SPPL2A: variants seen among roughly 807,000 people sequenced by gnomAD.
The protein encoded by SPPL2A is signal peptide peptidase like 2A.
SPPL2A carries 51 observed loss-of-function variants against 63.8 expected under a neutral mutation model. The ratio of observed to expected loss-of-function variants is 0.80; its 90% confidence interval spans 0.64 to 1.01. The LOEUF (loss-of-function observed/expected upper bound fraction) is 1.01. Among genes scored for constraint, SPPL2A ranks in the 50% least tolerant of loss-of-function variants. SPPL2A has a pLI of 0.00. For synonymous variants in SPPL2A, 188 were observed against 205.8 expected (o/e 0.91, Z 0.74); for missense variants, 553 against 622.7 (o/e 0.89, Z 1.19).
At chr15:50,736,015 A>G (rs2062768416) in intron 8 of SPPL2A, 86 bp downstream of exon 8, 5 of 859,930 alleles carry the variant, frequency 5.8e-6, no homozygotes, top group Non-Finnish European at 9.3e-6. Flanking sequence ...AAGCAAAAAA[A>G]TTCCATAATA....
chr15:50,712,467 C>A (rs1182360493), intron 14 of SPPL2A, among the ~76,000 whole-genome samples: 1 of 151,892 alleles, frequency 6.6e-6, no homozygotes, highest in Non-Finnish European at 1.5e-5. Flanking sequence ...CCAGAGCTGA[C>A]CCTCAGGCCC....
intron 14 of SPPL2A, among the ~76,000 whole-genome samples, chr15:50,713,957 T>C (rs1363242927): frequency 6.6e-6 from 1 of 152,222 alleles, no homozygotes; most frequent in Non-Finnish European, 1.5e-5. Flanking sequence ...TATCCCATTT[T>C]ACTATGTAGA....
chr15:50,710,444 T>C (rs1464278912), intron 14 of SPPL2A, among the ~76,000 whole-genome samples: 1 of 152,210 alleles, frequency 6.6e-6, no homozygotes, highest in Non-Finnish European at 1.5e-5. Context: ...TATTTACTTT[T>C]CTTTACTGAC....
intron 11 of SPPL2A, chr15:50,726,109 C>T: frequency 6.6e-7 from 1 of 1,510,226 alleles, no homozygotes; most frequent in Non-Finnish European, 8.9e-7. Flanking sequence ...CAGTGGCTTC[C>T]ACCAAGTTTC....
rs2062516755 is a variant in SPPL2A, at chr15:50,707,285, A to C, written c.*515T>G. On this transcript the variant is annotated 3_prime_UTR_variant, in exon 15 of 15. Coordinates refer to ENST00000261854, the MANE Select transcript of SPPL2A (RefSeq NM_032802.4). ...AGGCACCCTCCACCACGCCCAGCTA[A>C]TTTTTGGTATTTTTAGTAGAGAGGG... The C allele has an allele frequency of 6.6e-6, 1 of 152,220 alleles. No individual in the cohort carries two copies. The highest frequency in any genetic ancestry group is 1.5e-5 in the Non-Finnish European group (1 of 68,164). 9.4% of individuals were successfully genotyped at this position (152,220 alleles called of 1,614,324 possible). A position where few individuals can be genotyped will look rare whatever the true frequency, so the allele number is the denominator to read the frequency against.
intron 1 of SPPL2A, among the ~76,000 whole-genome samples, chr15:50,762,784 G>T (rs1390657969): frequency 6.7e-6 from 1 of 149,746 alleles, no homozygotes; most frequent in Non-Finnish European, 1.5e-5. Flanking sequence ...ACAGGCTGGA[G>T]TGCAGTGGCA....
Position 50,726,327 on chromosome 15 carries a change from A to G in SPPL2A, c.1140T>C (p.Asn380=). ...VELAAGPFGN[N]EKLPVVIRVP... ...ATTTCATTGCCATCCCTACCTTTTCATTATTTCCAAAAGGTCCAGCTGCGA... is the reference window on the plus strand; with the variant it reads ...ATTTCATTGCCATCCCTACCTTTTCGTTATTTCCAAAAGGTCCAGCTGCGA... The change falls in exon 11 of 15, where the codon AAT becomes AAC. Residue 380 remains asparagine, a synonymous_variant. Transcript: ENST00000261854. The G allele has an allele frequency of 6.2e-7, 1 of 1,613,660 alleles. No homozygotes were observed. Among genetic ancestry groups the G allele is most frequent in the Non-Finnish European group, 8.5e-7 (1 of 1,179,584 alleles).
chr15:50,718,412 A>G (rs1428535121), intron 14 of SPPL2A, among the ~76,000 whole-genome samples: 1 of 152,190 alleles, frequency 6.6e-6, no homozygotes, highest in East Asian at 1.9e-4. Context: ...TAAAACCATT[A>G]AAAAATGATG....
intron 4 of SPPL2A, 197 bp downstream of exon 4, chr15:50,747,916 A>T (rs1193373018): frequency 2.6e-5 from 12 of 460,966 alleles, no homozygotes; most frequent in Non-Finnish European, 3.1e-5. Flanking sequence ...GAAAACAAAC[A>T]TCCTTTCTAA....
intron 14 of SPPL2A, among the ~76,000 whole-genome samples, chr15:50,708,767 C>G (rs1248362467): frequency 6.6e-6 from 1 of 151,740 alleles, no homozygotes; most frequent in Admixed American, 6.6e-5. Flanking sequence ...GGCACGGTGG[C>G]TCATGCCTGT....
intron 14 of SPPL2A, among the ~76,000 whole-genome samples, chr15:50,713,437 G>T (rs1224303232): frequency 2.0e-5 from 3 of 151,766 alleles, no homozygotes; most frequent in Non-Finnish European, 4.4e-5. Flanking sequence ...GCTAATTTTT[G>T]TATTTTTAGT....
intron 1 of SPPL2A, among the ~76,000 whole-genome samples, chr15:50,755,928 T>C (rs1236999947): frequency 6.6e-6 from 1 of 152,092 alleles, no homozygotes; most frequent in Non-Finnish European, 1.5e-5. Context: ...CCTGATATTC[T>C]GCATTTCTAA....
At chr15:50,750,100 T>C (rs2062894788) in intron 1 of SPPL2A, among the ~76,000 whole-genome samples, 1 of 152,144 alleles carries the variant, frequency 6.6e-6, no homozygotes, top group Admixed American at 6.6e-5. Context: ...TATTACTTCA[T>C]TGTTTATATT....
chr15:50,747,722 T>C, intron 4 of SPPL2A, 94 bp from the exon 5 acceptor site: 1 of 850,016 alleles, frequency 1.2e-6, no homozygotes. Context: ...GGAATGGACA[T>C]TATACATCAG....
chr15:50,716,332 T>A (rs1444720006), intron 14 of SPPL2A, among the ~76,000 whole-genome samples: 1 of 152,098 alleles, frequency 6.6e-6, no homozygotes, highest in East Asian at 1.9e-4. Flanking sequence ...GTAGCTGGGA[T>A]TACAAGTATG....
rs1027553798 is a variant in SPPL2A, at chr15:50,739,588, G to A, written c.733+92C>T. On this transcript the variant is annotated intron_variant, in intron 6 of 14. Coordinates refer to ENST00000261854, the MANE Select transcript of SPPL2A (RefSeq NM_032802.4). The stretch of plus-strand genomic sequence containing the variant: ...CCAAATTATTCACATACGTTTTCCA[G>A]GTAGAATGGCTTAAAGGAAAAGATA... 8.8e-6 allele frequency: 8 copies of A among 910,076 alleles called. No individual in the cohort carries two copies. In the East Asian group the frequency reaches 1.2e-4, roughly 13 times the overall value. The allele number at this position is 910,076 out of a possible 1,614,324, so 56.4% of individuals were successfully genotyped here.
At position 50,725,322 on chromosome 15, in the gene SPPL2A, AACTGTTCAAAAAC is replaced by A; in HGVS notation, c.1147-12_1147del. The A allele has an allele frequency of 6.5e-7, 1 of 1,533,890 alleles. No individual in the cohort carries two copies. Among genetic ancestry groups the A allele is most frequent in the Non-Finnish European group, 8.9e-7 (1 of 1,122,416 alleles). On this transcript the variant is annotated splice_acceptor_variant and splice_polypyrimidine_tract_variant and coding_sequence_variant and intron_variant, in exon 12 of 15. Coordinates refer to ENST00000261854, the MANE Select transcript of SPPL2A (RefSeq NM_032802.4). LOFTEE classifies it high-confidence loss of function. ...TTTTGGTACTCTGATGACTACTGGC[AACTGTTCAAAAAC>A]AAAACAAAACAAAACAAAACAAAAC...
At chr15:50,733,784 C>T (rs1410512407) in intron 8 of SPPL2A, among the ~76,000 whole-genome samples, 1 of 151,532 alleles carries the variant, frequency 6.6e-6, no homozygotes, top group African/African-American at 2.4e-5. Flanking sequence ...AATTAATAAC[C>T]AGAATATGTA....
At chr15:50,751,284 T>C (rs573009743) in intron 1 of SPPL2A, among the ~76,000 whole-genome samples, 23 of 152,350 alleles carry the variant, frequency 1.5e-4, no homozygotes, top group Non-Finnish European at 2.2e-4. Flanking sequence ...ACAAACTACA[T>C]GCTAGGTTAC....
Sources: gnomAD v4.1 joint callset for allele counts (sites outside exome capture counted in the v4.1 genomes callset) on GRCh38, gnomAD v4.1.1 for gene constraint, MANE v1.5 for transcripts, NCBI Gene and HGNC (gene_info 2026-07-23, HGNC 2026-07-21) for gene names.